Variants in PLXDC2 observed in about 807,000 individuals in gnomAD.
The protein encoded by PLXDC2 is plexin domain containing 2, also known as plexin domain-containing protein 2.
PLXDC2 carries 40 observed loss-of-function variants against 68.9 expected under a neutral mutation model. The ratio of observed to expected loss-of-function variants is 0.58; its 90% CI spans 0.45 to 0.76. PLXDC2 has a LOEUF of 0.76. Among genes scored for constraint, PLXDC2 ranks in the 30% least tolerant of loss-of-function variants. The probability of loss-of-function intolerance (pLI) is 0.00; values close to 1 mark genes in which losing one functional copy is unlikely to be tolerated. For synonymous variants in PLXDC2, 243 were observed against 234.2 expected, an observed-to-expected ratio of 1.04 and a Z score of -0.34; for missense variants, 644 against 661.9, an observed-to-expected ratio of 0.97 and a Z score of 0.30.
At position 19,827,058 on chromosome 10, in the gene PLXDC2, G is replaced by C. The variant is rs117231640; in HGVS notation, c.112+9867G>C. ...AGTGCTCTTGTGAATGTGAGGGTAG[G>C]AACATCCTTGCAAACGTCTTTTCCT... is the stretch of plus-strand genomic sequence containing the variant. On this transcript the variant is annotated intron_variant, in intron 1 of 13. Coordinates refer to ENST00000377252, the MANE Select transcript of PLXDC2 (RefSeq NM_032812.9). 2.5e-3 allele frequency among the ~76,000 whole-genome samples: 377 copies of C among 152,302 alleles called. 10 individuals are homozygous for C. In the East Asian group the frequency reaches 0.054, roughly 22 times the overall value.
At chr10:20,215,492 C>T (rs555280313) in intron 10 of PLXDC2, among the ~76,000 whole-genome samples, 14 of 151,890 alleles carry the variant, frequency 9.2e-5, no homozygotes, top group Non-Finnish European at 1.9e-4. Flanking sequence ...CTGGGACTGC[C>T]TCCCTTTGCA....
At chr10:20,098,994 T>C (rs1259528636) in intron 4 of PLXDC2, among the ~76,000 whole-genome samples, 1 of 151,938 alleles carries the variant, frequency 6.6e-6, no homozygotes, top group Non-Finnish European at 1.5e-5. Context: ...CAGCTAAGAA[T>C]GGGAAAATTG....
At position 19,883,884 on chromosome 10, in the gene PLXDC2, C is replaced by CTTTTTTT. The variant is rs397846779; in HGVS notation, c.112+66714_112+66720dup. Reference sequence around the variant, plus strand: ...ATTACTGTCTCCAGATCCCTTTAAACTTTTTTTTTTTTTTTTTTTTTTTTT... The same window carrying CTTTTTTT: ...ATTACTGTCTCCAGATCCCTTTAAACTTTTTTTTTTTTTTTTTTTTTTTTTTTTTTTT... On this transcript the variant is annotated intron_variant, in intron 1 of 13. Coordinates refer to ENST00000377252, the MANE Select transcript of PLXDC2 (RefSeq NM_032812.9). Among the ~76,000 whole-genome samples the CTTTTTTT allele has an allele frequency of 3.1e-3, 171 of 55,094 alleles. 47 individuals are homozygous for CTTTTTTT. The highest frequency in any genetic ancestry group is 0.014 in the African/African-American group (154 of 10,834). The allele number at this position is 55,094 out of a possible 152,430, so 36.1% of individuals were successfully genotyped here. A position where few individuals can be genotyped will look rare whatever the true frequency, so the allele number is the denominator to read the frequency against.
chr10:20,138,785 C>A (rs918996014), intron 4 of PLXDC2, among the ~76,000 whole-genome samples: 6 of 152,056 alleles, frequency 3.9e-5, no homozygotes, highest in Non-Finnish European at 8.8e-5. Flanking sequence ...TGGTGGTGCA[C>A]ACCTGTAATC....
Position 20,180,532 on chromosome 10 carries a change from C to T in PLXDC2, c.1061+3123C>T, listed in dbSNP as rs546468858. 3.9e-4 allele frequency among the ~76,000 whole-genome samples: 60 copies of T among 152,102 alleles called. 3 individuals carry two copies. The South Asian group carries it at 0.012, about 31-fold the overall frequency. The stretch of plus-strand genomic sequence containing the variant: ...TCAACAAAACAGGAGAAGTCTTATC[C>T]TAAGCAGCACAAAAATTGCCCCTCT... On this transcript the variant is annotated intron_variant, in intron 9 of 13. Coordinates refer to ENST00000377252, the MANE Select transcript of PLXDC2 (RefSeq NM_032812.9).
chr10:20,187,351 C>G lies in PLXDC2; in HGVS notation c.1061+9942C>G, dbSNP rs578248469. 1.1e-3 allele frequency among the ~76,000 whole-genome samples: 171 copies of G among 151,736 alleles called. 2 individuals carry two copies. The highest frequency in any genetic ancestry group is 1.6e-3 in the Non-Finnish European group (107 of 67,826). ...TTGTAGATCTTTTTGCTTTTATTATCTTTAATTGACATAACAATTATACAC... is the reference window on the plus strand; with the variant it reads ...TTGTAGATCTTTTTGCTTTTATTATGTTTAATTGACATAACAATTATACAC... On this transcript the variant is annotated intron_variant, in intron 9 of 13. Coordinates refer to ENST00000377252, the MANE Select transcript of PLXDC2 (RefSeq NM_032812.9).
chr10:20,240,376 A>G (rs1248900060), intron 12 of PLXDC2, among the ~76,000 whole-genome samples: 2 of 152,142 alleles, frequency 1.3e-5, no homozygotes, highest in African/African-American at 4.8e-5. Context: ...TGCTATTGTA[A>G]ACAGTGCTGT....
At chr10:19,866,032 A>C (rs1008524858) in intron 1 of PLXDC2, among the ~76,000 whole-genome samples, 6 of 152,220 alleles carry the variant, frequency 3.9e-5, no homozygotes, top group African/African-American at 1.4e-4. Context: ...AAAAAAATAA[A>C]TTACTGGAAT....
At chr10:20,137,015 C>T (rs553175517) in intron 4 of PLXDC2, among the ~76,000 whole-genome samples, 6 of 152,250 alleles carry the variant, frequency 3.9e-5, no homozygotes, top group African/African-American at 1.2e-4. Context: ...AAACCAAGAA[C>T]TTTGGACCCT....
intron 1 of PLXDC2, among the ~76,000 whole-genome samples, chr10:19,994,281 A>T (rs983189796): frequency 8.3e-3 from 281 of 34,040 alleles, no homozygotes; most frequent in Non-Finnish European, 0.01. Context: ...TTTTTTAACC[A>T]TTTTCTCTGA....
At chr10:20,072,895 C>T (rs972991665) in intron 4 of PLXDC2, among the ~76,000 whole-genome samples, 1 of 152,164 alleles carries the variant, frequency 6.6e-6, no homozygotes, top group Non-Finnish European at 1.5e-5. Flanking sequence ...TGATGGATCT[C>T]TTCCGTGATT....
intron 1 of PLXDC2, among the ~76,000 whole-genome samples, chr10:19,942,244 GTTGAC>G (rs1177900255): frequency 1.3e-5 from 2 of 152,154 alleles, no homozygotes; most frequent in East Asian, 3.8e-4. Flanking sequence ...GGTAAAAGCT[GTTGAC>G]TACCATATAG....
chr10:19,930,056 T>A (rs1053695504), intron 1 of PLXDC2, among the ~76,000 whole-genome samples: 4 of 152,148 alleles, frequency 2.6e-5, no homozygotes, highest in Non-Finnish European at 5.9e-5. Context: ...TTTTCCTCCC[T>A]AGAATTTCAT....
chr10:19,874,467 A>C (rs1460042529), intron 1 of PLXDC2, among the ~76,000 whole-genome samples: 1 of 152,178 alleles, frequency 6.6e-6, no homozygotes, highest in Non-Finnish European at 1.5e-5. Context: ...ATTGACTCTC[A>C]ATCTTGTTCG....
At chr10:20,271,062 C>T (rs1297314367) in intron 13 of PLXDC2, among the ~76,000 whole-genome samples, 1 of 150,958 alleles carries the variant, frequency 6.6e-6, no homozygotes, top group Non-Finnish European at 1.5e-5. Flanking sequence ...CTTGTCAACA[C>T]GAAACCTTAG....
intron 6 of PLXDC2, among the ~76,000 whole-genome samples, chr10:20,156,750 G>A (rs2131806839): frequency 6.6e-6 from 1 of 152,124 alleles, no homozygotes; most frequent in Non-Finnish European, 1.5e-5. Context: ...CTCAATACCT[G>A]GCAGATGAGA....
chr10:19,976,539 G>A (rs2131616211), intron 1 of PLXDC2, among the ~76,000 whole-genome samples: 1 of 152,144 alleles, frequency 6.6e-6, no homozygotes, highest in East Asian at 1.9e-4. Flanking sequence ...TTTGGTGTGA[G>A]ATCTCTTCTT....
At chr10:20,278,016 C>G (rs1836030661) in intron 13 of PLXDC2, among the ~76,000 whole-genome samples, 1 of 152,170 alleles carries the variant, frequency 6.6e-6, no homozygotes, top group African/African-American at 2.4e-5. Context: ...TTGTGAATGA[C>G]AGGATCTCAT....
intron 3 of PLXDC2, among the ~76,000 whole-genome samples, chr10:20,053,535 C>A (rs944554289): frequency 6.6e-6 from 1 of 152,122 alleles, no homozygotes; most frequent in South Asian, 2.1e-4. Flanking sequence ...CCAGCCTGGA[C>A]TTGTTCTTTT....
Sources: gnomAD v4.1 joint callset for allele counts (sites outside exome capture counted in the v4.1 genomes callset) on GRCh38, gnomAD v4.1.1 for gene constraint, MANE v1.5 for transcripts, NCBI Gene and HGNC (gene_info 2026-07-23, HGNC 2026-07-21) for gene names.